Variants in MID1 observed in about 807,000 individuals in gnomAD.
MID1 encodes midline 1.
In MID1, 7 loss-of-function variants were observed where a neutral mutation model predicts 40.4. The ratio of observed to expected loss-of-function variants is 0.17; its 90% CI spans 0.10 to 0.33. The LOEUF is 0.33. MID1 is among the 10% of genes least tolerant of loss of function. The pLI is 1.00. For synonymous variants in MID1, 229 were observed against 221.2 expected, an observed-to-expected ratio of 1.04 and a Z score of -0.31; for missense variants, 367 against 558.5, an observed-to-expected ratio of 0.66 and a Z score of 3.46.
At position 10,672,657 on chromosome X, in the gene MID1, A is replaced by G. The variant is rs536578064; in HGVS notation, c.-186-52238T>C. Among the ~76,000 whole-genome samples the G allele has an allele frequency of 7.2e-5, 8 of 111,655 alleles. No individual in the cohort carries two copies. In the South Asian group the frequency reaches 3.1e-3, roughly 43 times the overall value. On this transcript the variant is annotated intron_variant, in intron 1 of 10. Transcript: ENST00000380785. Reference sequence around the variant, plus strand: ...CTGCTGATACCTTGATTTTAGATCCATTTTGTGCTTCAGACCTCCAGGAAT... The same window carrying G: ...CTGCTGATACCTTGATTTTAGATCCGTTTTGTGCTTCAGACCTCCAGGAAT...
At chrX:10,586,536 G>A (rs761493717) in intron 1 of MID1, among the ~76,000 whole-genome samples, 9 of 112,114 alleles carry the variant, frequency 8.0e-5, no homozygotes, top group Middle Eastern at 4.6e-3. Flanking sequence ...GTAAGGTGGC[G>A]GGGTTTAGAG....
chrX:10,589,247 C>T (rs913845883), intron 1 of MID1, among the ~76,000 whole-genome samples: 9 of 111,791 alleles, frequency 8.1e-5, no homozygotes, highest in Admixed American at 1.9e-4. Context: ...ACCAAAGTGC[C>T]GGTACTGCCA....
At chrX:10,537,889 G>A (rs544185800) in intron 2 of MID1, among the ~76,000 whole-genome samples, 127 of 111,912 alleles carry the variant, frequency 1.1e-3, no homozygotes, top group African/African-American at 4.0e-3. Flanking sequence ...CAGCTTTGCT[G>A]GTCCCCTGTT....
intron 1 of MID1, among the ~76,000 whole-genome samples, chrX:10,714,906 C>A (rs936608368): frequency 1.8e-5 from 2 of 112,561 alleles, no homozygotes; most frequent in African/African-American, 6.4e-5. Flanking sequence ...CTACCACTAA[C>A]ATACAACAAT....
In MID1 at chrX:10,775,060, C is replaced by T. The variant is rs750404539; in HGVS notation, c.-187+58494G>A. Among the ~76,000 whole-genome samples the T allele has an allele frequency of 8.6e-5, 8 of 93,435 alleles. No homozygotes were observed. The South Asian group carries it at 3.1e-3, about 37-fold the overall frequency. The allele number at this position is 93,435 out of a possible 115,157, so 81.1% of individuals were successfully genotyped here. ...TTTGGAGATCCTGAATGGCATTGGG[C>T]AGTAAAGCAGGGGATGAATATGGGA... On this transcript the variant is annotated intron_variant, in intron 1 of 10. Coordinates refer to the MID1 transcript ENST00000380785.
chrX:10,579,101 C>A (rs1413516484), intron 1 of MID1, among the ~76,000 whole-genome samples: 1 of 112,013 alleles, frequency 8.9e-6, no homozygotes, highest in Non-Finnish European at 1.9e-5. Flanking sequence ...TCATAGCATC[C>A]CTTCTGCATT....
chrX:10,640,778 C>A (rs973096481), intron 1 of MID1, among the ~76,000 whole-genome samples: 2 of 111,064 alleles, frequency 1.8e-5, no homozygotes, highest in African/African-American at 6.6e-5. Flanking sequence ...AAGCACTCCT[C>A]AGCAAATGTA....
chrX:10,744,797 T>G (rs1487218136), intron 1 of MID1, among the ~76,000 whole-genome samples: 1 of 111,604 alleles, frequency 9.0e-6, no homozygotes, highest in Non-Finnish European at 1.9e-5. Context: ...AACATATGTT[T>G]CCAGAGGGGT....
chrX:10,530,260 T>C lies in MID1; in HGVS notation c.661-7073A>G, dbSNP rs753018803. ...CAAGTTGCTCCCAGCCTTAATTCATTACCTTTTCCCCAAGTGATTTTTTCA... is the reference window on the plus strand; with the variant it reads ...CAAGTTGCTCCCAGCCTTAATTCATCACCTTTTCCCCAAGTGATTTTTTCA... On this transcript the variant is annotated intron_variant, in intron 2 of 9. Coordinates refer to ENST00000317552, the MANE Select transcript of MID1 (RefSeq NM_000381.4). Among the ~76,000 whole-genome samples the C allele has an allele frequency of 4.5e-5, 5 of 112,279 alleles. No homozygotes were observed. In the East Asian group the frequency reaches 1.4e-3, roughly 31 times the overall value.
intron 1 of MID1, among the ~76,000 whole-genome samples, chrX:10,714,488 G>T (rs2043287990): frequency 8.9e-6 from 1 of 112,652 alleles, no homozygotes; most frequent in African/African-American, 3.2e-5. Context: ...TCTTCTAAAA[G>T]ATTCATCTTT....
chrX:10,473,188 G>A (rs372091573), intron 6 of MID1, among the ~76,000 whole-genome samples: 2 of 111,257 alleles, frequency 1.8e-5, no homozygotes, highest in East Asian at 2.8e-4. Flanking sequence ...GGCAGCTAAC[G>A]CTGGATAGTA....
chrX:10,500,453 T>C (rs1931485079), intron 3 of MID1, among the ~76,000 whole-genome samples: 3 of 112,314 alleles, frequency 2.7e-5, no homozygotes, highest in African/African-American at 9.7e-5. Context: ...TTTTCTACTT[T>C]GATGAATTTC....
intron 2 of MID1, among the ~76,000 whole-genome samples, chrX:10,524,597 T>A (rs1490913344): frequency 8.9e-6 from 1 of 112,399 alleles, no homozygotes; most frequent in Non-Finnish European, 1.9e-5. Flanking sequence ...ATACAACAAG[T>A]ACTTATTAAG....
intron 4 of MID1, among the ~76,000 whole-genome samples, chrX:10,483,155 C>A (rs193086125): frequency 7.7e-4 from 86 of 112,178 alleles, no homozygotes; most frequent in Non-Finnish European, 1.4e-3. Context: ...ACCTAAAACT[C>A]ATGTGTTAAA....
intron 1 of MID1, among the ~76,000 whole-genome samples, chrX:10,717,058 A>G (rs1429529096): frequency 8.9e-6 from 1 of 112,077 alleles, no homozygotes; most frequent in African/African-American, 3.2e-5. Flanking sequence ...TAAACATGGA[A>G]AGGAAAAACC....
At chrX:10,605,998 G>A (rs969086673) in intron 1 of MID1, among the ~76,000 whole-genome samples, 1 of 111,417 alleles carries the variant, frequency 9.0e-6, no homozygotes, top group Non-Finnish European at 1.9e-5. Flanking sequence ...ACTCAATGGC[G>A]TATTTTACTG....
intron 3 of MID1, chrX:10,501,404 T>C (rs1216815194): frequency 8.7e-7 from 1 of 1,154,516 alleles, no homozygotes; most frequent in South Asian, 1.9e-5. Context: ...GCTCAGCACA[T>C]ACCTTCTCTA....
chrX:10,734,224 C>A (rs751306930), intron 1 of MID1, among the ~76,000 whole-genome samples: 3 of 112,025 alleles, frequency 2.7e-5, no homozygotes, highest in Non-Finnish European at 5.6e-5. Flanking sequence ...AGAATGAGAT[C>A]ATGTATTTTG....
At chrX:10,748,713 G>A (rs2043578168) in intron 1 of MID1, among the ~76,000 whole-genome samples, 2 of 111,918 alleles carry the variant, frequency 1.8e-5, no homozygotes, top group African/African-American at 3.3e-5. Context: ...GCATGTATGC[G>A]ATGTCATCCC....
Sources: gnomAD v4.1 joint callset for allele counts (sites outside exome capture counted in the v4.1 genomes callset) on GRCh38, gnomAD v4.1.1 for gene constraint, MANE v1.5 for transcripts, NCBI Gene and HGNC (gene_info 2026-07-23, HGNC 2026-07-21) for gene names.